ASTN1: variants seen among roughly 807,000 people sequenced by gnomAD.
ASTN1 encodes the protein astrotactin 1.
Under a neutral mutation model 140.7 loss-of-function variants are expected in ASTN1, and 41 were observed. That is an observed-to-expected ratio of 0.29 (90% confidence interval 0.23 to 0.38). The LOEUF is 0.38. ASTN1 is among the 10% of genes least tolerant of loss of function. ASTN1 has a pLI of 1.00. For missense variants in ASTN1, 1,479 were observed against 1,678.8 expected (o/e 0.88, Z 2.08); for synonymous variants, 640 against 652.2 (o/e 0.98, Z 0.29).
intron 17 of ASTN1, 52 bp downstream of exon 17, chr1:176,894,510 G>A: frequency 6.3e-7 from 1 of 1,586,256 alleles, no homozygotes; most frequent in Non-Finnish European, 8.6e-7. Context: ...CATTTGGAAA[G>A]CCTTCTGTTG....
intron 1 of ASTN1, among the ~76,000 whole-genome samples, chr1:177,063,869 C>T (rs1442357229): frequency 6.6e-6 from 1 of 152,140 alleles, no homozygotes; most frequent in East Asian, 1.9e-4. Context: ...AGCAGGGCAC[C>T]TCCAGCCTCC....
chr1:176,858,465 C>T (rs958085383), downstream of ASTN1, among the ~76,000 whole-genome samples: 1 of 152,082 alleles, frequency 6.6e-6, no homozygotes, highest in Non-Finnish European at 1.5e-5. Context: ...ATTTGTTCCC[C>T]AAGTTCTCAC....
chr1:177,134,092 A>G (rs1037186891), intron 1 of ASTN1, among the ~76,000 whole-genome samples: 3 of 152,218 alleles, frequency 2.0e-5, no homozygotes, highest in Non-Finnish European at 4.4e-5. Flanking sequence ...ATCCCAATCC[A>G]TTGTGCTAAC....
intron 21 of ASTN1, among the ~76,000 whole-genome samples, chr1:176,874,568 C>T (rs1474354642): frequency 6.6e-6 from 1 of 152,152 alleles, no homozygotes; most frequent in East Asian, 1.9e-4. Flanking sequence ...ACTTACTCCA[C>T]TCTGAATCTC....
At chr1:177,117,171 T>C (rs537003020) in intron 1 of ASTN1, among the ~76,000 whole-genome samples, 1 of 152,166 alleles carries the variant, frequency 6.6e-6, no homozygotes, top group African/African-American at 2.4e-5. Context: ...ATCTTGTTAA[T>C]GACAGTCTAG....
At chr1:177,026,413 G>T (rs890145885) in intron 5 of ASTN1, among the ~76,000 whole-genome samples, 2 of 152,032 alleles carry the variant, frequency 1.3e-5, no homozygotes, top group African/African-American at 4.8e-5. Flanking sequence ...ACATTTGGTT[G>T]CTCAAATTTA....
At chr1:177,061,788 C>G (rs1678108050) in intron 1 of ASTN1, among the ~76,000 whole-genome samples, 1 of 152,202 alleles carries the variant, frequency 6.6e-6, no homozygotes, top group South Asian at 2.1e-4. Context: ...TTTCTAAAAC[C>G]ACAATCACTT....
At chr1:177,019,003 T>C (rs879498868) in intron 7 of ASTN1, among the ~76,000 whole-genome samples, 2 of 152,150 alleles carry the variant, frequency 1.3e-5, no homozygotes, top group Admixed American at 6.5e-5. Flanking sequence ...CAGCAAAGCA[T>C]CAGGGGGCTG....
At chr1:176,866,387 T>C (rs1454934105) in intron 22 of ASTN1, among the ~76,000 whole-genome samples, 1 of 152,166 alleles carries the variant, frequency 6.6e-6, no homozygotes, top group Non-Finnish European at 1.5e-5. Context: ...GTACTTTCCC[T>C]AAGAGCCTCT....
intron 1 of ASTN1, among the ~76,000 whole-genome samples, chr1:177,135,161 T>A (rs895518901): frequency 2.6e-5 from 4 of 152,094 alleles, no homozygotes; most frequent in African/African-American, 9.7e-5. Flanking sequence ...GCAAGAAATG[T>A]CAATTCCCAT....
chr1:176,872,871 C>T (rs987682430), intron 21 of ASTN1, among the ~76,000 whole-genome samples: 4 of 152,162 alleles, frequency 2.6e-5, no homozygotes, highest in Non-Finnish European at 5.9e-5. Flanking sequence ...CCCTCTGCAC[C>T]TCCTATCCCA....
At position 176,894,729 on chromosome 1, in the gene ASTN1, T is replaced by C. The variant is rs369846787; in HGVS notation, c.2773A>G (p.Met925Val). Reference protein sequence around the residue: ...TSLSDSGTKHMAAGVRMECHS... With the variant: ...TSLSDSGTKHVAAGVRMECHS... Reference sequence around the variant, plus strand: ...CACTCCATGCGGACTCCAGCCGCCATGTGCTTGGTGCCGGAGTCTGACAAG... The same window carrying C: ...CACTCCATGCGGACTCCAGCCGCCACGTGCTTGGTGCCGGAGTCTGACAAG... The change falls in exon 17 of 23, where the codon ATG (methionine) becomes GTG (valine). Residue 925 changes from methionine (M) to valine (V), a missense_variant. Physicochemically the swap from Met to Val is conservative, Grantham distance 21. Around this residue, in one of 3 missense-constraint regions of ASTN1, gnomAD observed 746 missense variants for 800.9 expected, o/e 0.93. Coordinates refer to ENST00000361833, the MANE Select transcript of ASTN1 (RefSeq NM_004319.3). 119 of 1,614,050 alleles carry C rather than the reference T, an allele frequency of 7.4e-5. 1 individual carries two copies. Among genetic ancestry groups the C allele is most frequent in the Middle Eastern group, 4.9e-4 (3 of 6,084 alleles).
At chr1:177,084,358 G>C (rs573426517) in intron 1 of ASTN1, among the ~76,000 whole-genome samples, 1 of 152,278 alleles carries the variant, frequency 6.6e-6, no homozygotes, top group Admixed American at 6.5e-5. Flanking sequence ...GAGCTCTAGG[G>C]GTTTATGTAC....
chr1:177,135,437 A>G (rs1682146090), intron 1 of ASTN1, among the ~76,000 whole-genome samples: 1 of 151,958 alleles, frequency 6.6e-6, no homozygotes, highest in South Asian at 2.1e-4. Context: ...AAAGAGCCAC[A>G]AGCAACGTGA....
At chr1:177,045,820 A>G (rs190504961) in intron 2 of ASTN1, among the ~76,000 whole-genome samples, 1 of 152,300 alleles carries the variant, frequency 6.6e-6, no homozygotes, top group African/African-American at 2.4e-5. Flanking sequence ...GCAGGAATAG[A>G]GTATCATCAC....
chr1:177,112,917 G>C (rs941902370), intron 1 of ASTN1, among the ~76,000 whole-genome samples: 2 of 152,126 alleles, frequency 1.3e-5, no homozygotes, highest in Non-Finnish European at 2.9e-5. Context: ...TCCTGTGACT[G>C]GTTGTGAAGG....
At chr1:177,151,225 A>C (rs779662326) in intron 1 of ASTN1, among the ~76,000 whole-genome samples, 10 of 152,030 alleles carry the variant, frequency 6.6e-5, no homozygotes, top group Non-Finnish European at 1.5e-4. Flanking sequence ...TCGAATCCTT[A>C]TGGTAGGGAC....
intron 7 of ASTN1, among the ~76,000 whole-genome samples, chr1:177,016,367 T>C (rs918334913): frequency 2.6e-5 from 4 of 151,362 alleles, no homozygotes; most frequent in African/African-American, 9.7e-5. Context: ...CATTGTCTCC[T>C]GCATGGTGAA....
intron 1 of ASTN1, among the ~76,000 whole-genome samples, chr1:177,101,834 G>T (rs1680315103): frequency 6.6e-6 from 1 of 152,146 alleles, no homozygotes; most frequent in Non-Finnish European, 1.5e-5. Context: ...CCCTGCCCTT[G>T]TCTTCCCTCA....
Sources: gnomAD v4.1 joint callset for allele counts (sites outside exome capture counted in the v4.1 genomes callset) on GRCh38, gnomAD v4.1.1 for gene constraint, gnomAD v4.1.1 regional missense constraint, MANE v1.5 for transcripts, NCBI Gene and HGNC (gene_info 2026-07-23, HGNC 2026-07-21) for gene names.